Variants in ZHX2 observed in about 807,000 individuals in gnomAD.
ZHX2 encodes the protein zinc fingers and homeoboxes protein 2.
A neutral mutation model predicts 21.9 loss-of-function variants in ZHX2; 6 were observed. The ratio of observed to expected loss-of-function variants is 0.27; its 90% confidence interval spans 0.15 to 0.54. ZHX2 has a LOEUF of 0.54. ZHX2 is among the 20% of genes least tolerant of loss of function. The pLI, the probability that ZHX2 is intolerant of heterozygous loss-of-function variation, is 0.95. For synonymous variants in ZHX2, 434 were observed against 437.1 expected (o/e 0.99, Z 0.09); for missense variants, 908 against 1,090.7 (o/e 0.83, Z 2.36).
chr8:122,856,718 C>T (rs1010458631), intron 1 of ZHX2, among the ~76,000 whole-genome samples: 7 of 152,162 alleles, frequency 4.6e-5, no homozygotes, highest in African/African-American at 1.4e-4. Flanking sequence ...CGAATCAGAT[C>T]GCCCTATGGT....
At chr8:122,879,986 T>TC (rs1819668695) in intron 2 of ZHX2, among the ~76,000 whole-genome samples, 1 of 150,918 alleles carries the variant, frequency 6.6e-6, no homozygotes. Flanking sequence ...TTTTTTTTTT[T>TC]TTTTTAGATG....
intron 2 of ZHX2, among the ~76,000 whole-genome samples, chr8:122,908,544 T>C (rs760112550): frequency 7.2e-5 from 11 of 152,022 alleles, no homozygotes; most frequent in Non-Finnish European, 1.0e-4. Context: ...ACGGTGGTGG[T>C]TGATCATCAA....
At chr8:122,921,694 G>C (rs7842348) in intron 2 of ZHX2, among the ~76,000 whole-genome samples, 1 of 151,954 alleles carries the variant, frequency 6.6e-6, no homozygotes, top group Admixed American at 6.6e-5. Context: ...GAGGGAGGGA[G>C]GAAGGAAGGA....
rs781341912 is a variant in ZHX2, at chr8:122,789,756, T to C, written c.-283+7810T>C. On this transcript the variant is annotated intron_variant, in intron 1 of 3. Coordinates refer to ENST00000314393, the MANE Select transcript of ZHX2 (RefSeq NM_014943.5). ...AGATGGGTTCCAGGCAGGAGAGGAT[T>C]GAAGCGCCAGCTCTCCTCTAAGCTC... Among the ~76,000 whole-genome samples, 5 of 152,230 alleles carry C rather than the reference T, an allele frequency of 3.3e-5. 1 individual carries two copies. The highest frequency in any genetic ancestry group is 7.3e-5 in the Non-Finnish European group (5 of 68,034).
chr8:122,882,818 C>G (rs2129798322), intron 2 of ZHX2, among the ~76,000 whole-genome samples: 1 of 152,220 alleles, frequency 6.6e-6, no homozygotes, highest in Non-Finnish European at 1.5e-5. Context: ...CCCATCTCTA[C>G]TAAAAATACA....
chr8:122,953,743 T>TTGG lies in ZHX2; in HGVS notation c.2236_2238dup (p.Val746dup), dbSNP rs1813213066. On this transcript the variant is annotated inframe_insertion, in exon 3 of 4. Coordinates refer to ENST00000314393, the MANE Select transcript of ZHX2 (RefSeq NM_014943.5). This position sits in a 1 kb window ranked among gnomAD's most constrained non-coding sequence, Gnocchi z 4.6. Reference sequence around the variant, plus strand: ...GCTCTGCGAAGAGGACTTGGAGAAGTTGGTGACCAGGGTAAAAGTAGGCAG... The same window carrying TTGG: ...GCTCTGCGAAGAGGACTTGGAGAAGTTGGTGGTGACCAGGGTAAAAGTAGGCAG... 5 of 1,614,196 alleles carry TTGG rather than the reference T, an allele frequency of 3.1e-6. No individual in the cohort carries two copies. The highest frequency in any genetic ancestry group is 4.2e-6 in the Non-Finnish European group (5 of 1,180,034).
chr8:122,960,336 C>T (rs761734012), intron 3 of ZHX2, among the ~76,000 whole-genome samples: 2 of 151,988 alleles, frequency 1.3e-5, no homozygotes, highest in Admixed American at 6.6e-5. Flanking sequence ...GTCAGGACTT[C>T]GCACAAACCT....
chr8:122,938,830 T>G (rs1264466204), intron 2 of ZHX2, among the ~76,000 whole-genome samples: 1 of 151,432 alleles, frequency 6.6e-6, no homozygotes, highest in Non-Finnish European at 1.5e-5. Flanking sequence ...AGAGCAAGAC[T>G]CTGTCAAAAA....
At chr8:122,872,588 C>T (rs781733552) in intron 2 of ZHX2, among the ~76,000 whole-genome samples, 2 of 152,164 alleles carry the variant, frequency 1.3e-5, no homozygotes, top group East Asian at 1.9e-4. Context: ...CCTAACCCCC[C>T]GTTCCGTGAT....
chr8:122,815,216 G>A (rs1019998660), intron 1 of ZHX2, among the ~76,000 whole-genome samples: 6 of 152,190 alleles, frequency 3.9e-5, no homozygotes, highest in Admixed American at 1.3e-4. Flanking sequence ...CACTGCAGTG[G>A]GCAGGGTCGG....
chr8:122,912,243 G>A (rs1184257994), intron 2 of ZHX2, among the ~76,000 whole-genome samples: 1 of 152,216 alleles, frequency 6.6e-6, no homozygotes, highest in East Asian at 1.9e-4. Flanking sequence ...CTGAAGGGCA[G>A]TGGCAGAAAC....
intron 2 of ZHX2, among the ~76,000 whole-genome samples, chr8:122,922,334 A>G (rs1159272590): frequency 6.6e-6 from 1 of 152,076 alleles, no homozygotes; most frequent in Non-Finnish European, 1.5e-5. Flanking sequence ...ATTTTTTTTA[A>G]GTGTTATGAA....
chr8:122,893,539 TTGAC>T (rs1308385255), intron 2 of ZHX2, among the ~76,000 whole-genome samples: 1 of 152,152 alleles, frequency 6.6e-6, no homozygotes, highest in Non-Finnish European at 1.5e-5. Flanking sequence ...AACGAAAAGT[TTGAC>T]TGGGTTATTT....
intron 3 of ZHX2, among the ~76,000 whole-genome samples, chr8:122,966,053 G>A (rs763899705): frequency 2.0e-5 from 3 of 152,110 alleles, no homozygotes; most frequent in Non-Finnish European, 4.4e-5. Flanking sequence ...TATGTGTTAG[G>A]TGAGTCTCTT....
In ZHX2 at chr8:122,940,346, A is replaced by C. The variant is rs776672418; in HGVS notation, c.-219-10946A>C. Reference sequence around the variant, plus strand: ...TTCATTGGTTTGGAGTAAATGAGTAAATTCGGGGCTCCCGGTTCACATGGG... The same window carrying C: ...TTCATTGGTTTGGAGTAAATGAGTACATTCGGGGCTCCCGGTTCACATGGG... On this transcript the variant is annotated intron_variant, in intron 2 of 3. Transcript: ENST00000314393. 7.2e-5 allele frequency among the ~76,000 whole-genome samples: 11 copies of C among 152,122 alleles called. 1 individual carries two copies. Among genetic ancestry groups the C allele is most frequent in the Non-Finnish European group, 1.2e-4 (8 of 68,038 alleles).
intron 1 of ZHX2, among the ~76,000 whole-genome samples, chr8:122,824,767 G>T (rs1378808181): frequency 1.3e-5 from 2 of 152,212 alleles, no homozygotes; most frequent in Non-Finnish European, 2.9e-5. Flanking sequence ...TTTGTTATTT[G>T]ACAGTTCTGG....
At chr8:122,916,349 G>C (rs974614275) in intron 2 of ZHX2, among the ~76,000 whole-genome samples, 16 of 152,214 alleles carry the variant, frequency 1.1e-4, no homozygotes, top group African/African-American at 3.6e-4. Flanking sequence ...GGAGCACAGA[G>C]GACCAGGTTA....
chr8:122,933,522 C>A (rs1812594471), intron 2 of ZHX2, among the ~76,000 whole-genome samples: 1 of 151,970 alleles, frequency 6.6e-6, no homozygotes, highest in African/African-American at 2.4e-5. Flanking sequence ...TGTGCTTGTA[C>A]ATGGTGGCAG....
In ZHX2 at chr8:122,880,792, G is replaced by T. The variant is rs201528350; in HGVS notation, c.-220+17253G>T. 4.3e-4 allele frequency among the ~76,000 whole-genome samples: 21 copies of T among 49,178 alleles called. 4 individuals carry two copies. The highest frequency in any genetic ancestry group is 1.8e-3 in the South Asian group (1 of 564). The allele number at this position is 49,178 out of a possible 152,430, so 32.3% of individuals were successfully genotyped here. A position where few individuals can be genotyped will look rare whatever the true frequency, so the allele number is the denominator to read the frequency against. ...TCCACCTCAAAAAAAAAAAAAAATA[G>T]AGAGAGTGAGAGATGCTCATGAGTG... On this transcript the variant is annotated intron_variant, in intron 2 of 3. Coordinates refer to ENST00000314393, the MANE Select transcript of ZHX2 (RefSeq NM_014943.5).
Sources: gnomAD v4.1 joint callset for allele counts (sites outside exome capture counted in the v4.1 genomes callset) on GRCh38, gnomAD v4.1.1 for gene constraint, Gnocchi (gnomAD v3.1) non-coding constraint, MANE v1.5 for transcripts, NCBI Gene and HGNC (gene_info 2026-07-23, HGNC 2026-07-21) for gene names.